Variants in CA10 observed in about 807,000 individuals in gnomAD.
CA10 encodes the protein carbonic anhydrase 10 (inactive).
In CA10, 14 loss-of-function variants were observed where a neutral mutation model predicts 44.2. The observed-to-expected ratio is 0.32, with a 90% confidence interval of 0.21 to 0.50. The LOEUF (loss-of-function observed/expected upper bound fraction) is 0.50, where lower values mean the gene tolerates loss of function less well. Ranked by LOEUF, CA10 falls within the 20% of genes least tolerant of loss-of-function variation. The probability of loss-of-function intolerance (pLI) is 0.99; values close to 1 mark genes in which losing one functional copy is unlikely to be tolerated. For missense variants in CA10, 350 were observed against 409.7 expected, an observed-to-expected ratio of 0.85 and a Z score of 1.26; for synonymous variants, 159 against 141.6, an observed-to-expected ratio of 1.12 and a Z score of -0.87.
intron 3 of CA10, among the ~76,000 whole-genome samples, chr17:51,864,885 T>A (rs193106141): frequency 2.6e-5 from 4 of 152,162 alleles, no homozygotes; most frequent in Non-Finnish European, 5.9e-5. Context: ...AAAGGGCACA[T>A]TGGCTCCTGA....
At chr17:51,726,331 T>A (rs1916520787) in intron 4 of CA10, among the ~76,000 whole-genome samples, 1 of 152,228 alleles carries the variant, frequency 6.6e-6, no homozygotes, top group South Asian at 2.1e-4. Context: ...AATTTCAGTT[T>A]AGATAGGAGG....
At chr17:51,668,428 C>A (rs967405077) in intron 4 of CA10, among the ~76,000 whole-genome samples, 2 of 152,186 alleles carry the variant, frequency 1.3e-5, no homozygotes, top group Non-Finnish European at 2.9e-5. Context: ...TGAATTAGGC[C>A]AGGATGCTTT....
intron 4 of CA10, among the ~76,000 whole-genome samples, chr17:51,692,731 A>G (rs1434553493): frequency 1.3e-5 from 2 of 152,252 alleles, no homozygotes; most frequent in Non-Finnish European, 2.9e-5. Flanking sequence ...AGTTTTCACA[A>G]TTATGAATAA....
intron 4 of CA10, among the ~76,000 whole-genome samples, chr17:51,675,397 T>A (rs1597978355): frequency 6.6e-6 from 1 of 151,940 alleles, no homozygotes; most frequent in Non-Finnish European, 1.5e-5. Context: ...CCATCTCTAC[T>A]AAAAATACAA....
intron 3 of CA10, among the ~76,000 whole-genome samples, chr17:51,821,133 C>T (rs1598062323): frequency 7.1e-6 from 1 of 141,392 alleles, no homozygotes; most frequent in Non-Finnish European, 1.5e-5. Context: ...TTCCCTCCCT[C>T]CCTCCCTCCC....
At chr17:51,933,371 G>C (rs1360927063) in intron 2 of CA10, among the ~76,000 whole-genome samples, 1 of 152,066 alleles carries the variant, frequency 6.6e-6, no homozygotes, top group East Asian at 1.9e-4. Context: ...AGGTCAGCCA[G>C]GAGAGAAGAT....
chr17:52,073,780 G>A (rs1308489725), intron 1 of CA10, among the ~76,000 whole-genome samples: 2 of 152,112 alleles, frequency 1.3e-5, no homozygotes, highest in Non-Finnish European at 2.9e-5. Context: ...ATCTGCTCTG[G>A]GACAGCAGGC....
chr17:51,860,427 G>T (rs1410432907), intron 3 of CA10, among the ~76,000 whole-genome samples: 1 of 152,184 alleles, frequency 6.6e-6, no homozygotes, highest in Non-Finnish European at 1.5e-5. Context: ...CAAAACAATG[G>T]TTAGGATAGT....
intron 2 of CA10, among the ~76,000 whole-genome samples, chr17:52,038,009 CCTCT>C (rs1438424087): frequency 6.6e-6 from 1 of 152,066 alleles, no homozygotes; most frequent in Admixed American, 6.6e-5. Flanking sequence ...AAAACTACTC[CCTCT>C]CTGTTGGTGT....
chr17:52,002,310 G>A (rs1237382578), intron 2 of CA10, among the ~76,000 whole-genome samples: 1 of 151,946 alleles, frequency 6.6e-6, no homozygotes, highest in African/African-American at 2.4e-5. Context: ...AGAAAGACAA[G>A]CAGTGATCTG....
intron 3 of CA10, among the ~76,000 whole-genome samples, chr17:51,865,181 C>T (rs1339059335): frequency 6.6e-6 from 1 of 152,166 alleles, no homozygotes; most frequent in Non-Finnish European, 1.5e-5. Flanking sequence ...CTCCTCATCT[C>T]ACTTTCCTGC....
At chr17:51,943,909 A>G (rs1050031380) in intron 2 of CA10, among the ~76,000 whole-genome samples, 2 of 152,218 alleles carry the variant, frequency 1.3e-5, no homozygotes, top group Non-Finnish European at 2.9e-5. Flanking sequence ...AGTATGGAAC[A>G]GAGAAACAAA....
intron 4 of CA10, among the ~76,000 whole-genome samples, chr17:51,728,036 C>A (rs1442436849): frequency 6.6e-6 from 1 of 152,042 alleles, no homozygotes; most frequent in Non-Finnish European, 1.5e-5. Context: ...CAGGTGCATG[C>A]CACCACACCC....
At chr17:51,784,285 C>T (rs1217917388) in intron 3 of CA10, among the ~76,000 whole-genome samples, 1 of 152,112 alleles carries the variant, frequency 6.6e-6, no homozygotes, top group Non-Finnish European at 1.5e-5. Flanking sequence ...CGCCATCCAG[C>T]TGCTGCCCAG....
chr17:52,075,180 G>A (rs1240530169), intron 1 of CA10, among the ~76,000 whole-genome samples: 1 of 152,014 alleles, frequency 6.6e-6, no homozygotes, highest in East Asian at 1.9e-4. Context: ...TATAATACAA[G>A]GGGGAAATAC....
chr17:51,790,547 A>G (rs954607127), intron 3 of CA10, among the ~76,000 whole-genome samples: 3 of 152,116 alleles, frequency 2.0e-5, no homozygotes, highest in Non-Finnish European at 4.4e-5. Flanking sequence ...TCATGAATTC[A>G]CCAAAAATGA....
chr17:51,694,206 GAAA>G (rs202082196), intron 4 of CA10, among the ~76,000 whole-genome samples: 3 of 138,002 alleles, frequency 2.2e-5, no homozygotes, highest in Admixed American at 7.3e-5. Flanking sequence ...CTCCGTCTCG[GAAA>G]AAAAAAAAAA....
At chr17:51,710,173 G>A (rs994705330) in intron 4 of CA10, among the ~76,000 whole-genome samples, 1 of 152,152 alleles carries the variant, frequency 6.6e-6, no homozygotes, top group East Asian at 1.9e-4. Flanking sequence ...AGCAGCCGAC[G>A]TTTTCTTAGC....
intron 3 of CA10, among the ~76,000 whole-genome samples, chr17:51,908,453 C>A (rs994710075): frequency 6.6e-6 from 1 of 152,044 alleles, no homozygotes; most frequent in Non-Finnish European, 1.5e-5. Context: ...TTTCTTCTGC[C>A]CTGGTATGTA....
Sources: gnomAD v4.1 joint callset for allele counts (sites outside exome capture counted in the v4.1 genomes callset) on GRCh38, gnomAD v4.1.1 for gene constraint, MANE v1.5 for transcripts, NCBI Gene and HGNC (gene_info 2026-07-23, HGNC 2026-07-21) for gene names.